The following SORCS1 variants were observed in gnomAD, a reference collection of about 807,000 sequenced individuals.
The protein encoded by SORCS1 is VPS10 domain-containing receptor SorCS1.
In SORCS1, 60 loss-of-function variants were observed where a neutral mutation model predicts 146.1. That is an observed-to-expected ratio of 0.41 (90% CI 0.33 to 0.51). SORCS1 has a LOEUF of 0.51. Ranked by LOEUF, SORCS1 falls within the 20% of genes least tolerant of loss-of-function variation. SORCS1 has a pLI of 0.21. For missense variants in SORCS1, 1,352 were observed against 1,487.6 expected, an observed-to-expected ratio of 0.91 and a Z score of 1.50; for synonymous variants, 637 against 584.0, an observed-to-expected ratio of 1.09 and a Z score of -1.31.
chr10:106,849,873 T>G (rs914006641), intron 2 of SORCS1, among the ~76,000 whole-genome samples: 13 of 152,210 alleles, frequency 8.5e-5, no homozygotes, highest in African/African-American at 2.4e-4. Context: ...CCCCTGCTGG[T>G]GGGTGCCTCC....
At chr10:106,747,506 T>TA (rs1292419247) in intron 5 of SORCS1, among the ~76,000 whole-genome samples, 1 of 152,226 alleles carries the variant, frequency 6.6e-6, no homozygotes, top group Non-Finnish European at 1.5e-5. Flanking sequence ...TCACTAGTCT[T>TA]ACAGTTGGTT....
At chr10:107,008,969 C>T (rs1393871476) in intron 1 of SORCS1, among the ~76,000 whole-genome samples, 2 of 152,208 alleles carry the variant, frequency 1.3e-5, no homozygotes, top group East Asian at 3.8e-4. Flanking sequence ...TGCACTCCAG[C>T]CTGGTGACAG....
chr10:107,017,204 T>A (rs1018246609), intron 1 of SORCS1, among the ~76,000 whole-genome samples: 4 of 152,248 alleles, frequency 2.6e-5, no homozygotes, highest in African/African-American at 7.2e-5. Context: ...CACAAATGTT[T>A]GTATCAGCAC....
chr10:106,952,542 A>ATATATTATATTATATTATAT (rs35734331), intron 2 of SORCS1, among the ~76,000 whole-genome samples: 2,660 of 143,002 alleles, frequency 0.019, 37 homozygotes, highest in South Asian at 0.03. Flanking sequence ...ATGACACATT[A>ATATATTATATTATATTATAT]TATATTATAT....
intron 3 of SORCS1, among the ~76,000 whole-genome samples, chr10:106,778,163 CA>C (rs1860605216): frequency 1.3e-5 from 2 of 152,116 alleles, no homozygotes; most frequent in Admixed American, 1.3e-4. Flanking sequence ...GCATGCCAGA[CA>C]CTCTGCCCAA....
chr10:106,673,581 C>T (rs1851778055), intron 14 of SORCS1, among the ~76,000 whole-genome samples: 1 of 152,112 alleles, frequency 6.6e-6, no homozygotes, highest in Non-Finnish European at 1.5e-5. Flanking sequence ...ACATATTGTG[C>T]CACAGGATTG....
At chr10:106,934,291 A>G (rs1454356946) in intron 2 of SORCS1, among the ~76,000 whole-genome samples, 1 of 151,542 alleles carries the variant, frequency 6.6e-6, no homozygotes, top group Non-Finnish European at 1.5e-5. Context: ...GGAGTCGCGC[A>G]CTGTCACCCA....
chr10:107,045,700 T>A (rs1372278581), intron 1 of SORCS1, among the ~76,000 whole-genome samples: 5 of 152,218 alleles, frequency 3.3e-5, no homozygotes, highest in Non-Finnish European at 7.4e-5. Context: ...AATTTTAAGT[T>A]GAGAAAAATG....
intron 3 of SORCS1, among the ~76,000 whole-genome samples, chr10:106,793,456 T>G (rs2245123): frequency 2.0e-4 from 30 of 152,040 alleles, no homozygotes; most frequent in Non-Finnish European, 5.9e-5. Context: ...AACCTATTTA[T>G]TCAGGGGCAT....
At chr10:106,751,143 A>G (rs1212050891) in intron 5 of SORCS1, among the ~76,000 whole-genome samples, 21 of 151,212 alleles carry the variant, frequency 1.4e-4, no homozygotes, top group Admixed American at 1.3e-4. Context: ...TGTGGAGATC[A>G]TTAACAATAA....
chr10:107,054,558 G>T lies in SORCS1; in HGVS notation c.559-97978C>A, dbSNP rs144649059. ...TCTGGCTGGAACTGAGGGCAAAAGG[G>T]CTAGAATTTTAACAGGGAGTCAAGG... On this transcript the variant is annotated intron_variant, in intron 1 of 25. Transcript: ENST00000263054. Among the ~76,000 whole-genome samples, 12 of 152,296 alleles carry T rather than the reference G, an allele frequency of 7.9e-5. No homozygotes were observed. The East Asian group carries it at 2.1e-3, about 27-fold the overall frequency.
intron 15 of SORCS1, among the ~76,000 whole-genome samples, chr10:106,671,601 T>C (rs1182856146): frequency 6.6e-6 from 1 of 152,228 alleles, no homozygotes; most frequent in African/African-American, 2.4e-5. Flanking sequence ...TAATTTTGTG[T>C]GCACTTATCA....
At chr10:106,695,930 T>C (rs1853668234) in intron 9 of SORCS1, among the ~76,000 whole-genome samples, 1 of 152,190 alleles carries the variant, frequency 6.6e-6, no homozygotes, top group Non-Finnish European at 1.5e-5. Context: ...GAACACAGAA[T>C]CTGTAGCCAG....
rs1380725939 is a variant in SORCS1, at chr10:106,806,505, C to CTTTCTT, written c.726+23068_726+23069insAAGAAA. On this transcript the variant is annotated intron_variant, in intron 3 of 25. Transcript: ENST00000263054. Reference sequence around the variant, plus strand: ...CAGCCCTTCTGATGAGAGAGGAAGCCTTTTTTTTTTTTTTTTTTTTTTTTT... The same window carrying CTTTCTT: ...CAGCCCTTCTGATGAGAGAGGAAGCCTTTCTTTTTTTTTTTTTTTTTTTTTTTTTTT... Among the ~76,000 whole-genome samples, 39 of 70,444 alleles carry CTTTCTT rather than the reference C, an allele frequency of 5.5e-4. 5 individuals are homozygous for CTTTCTT. Among genetic ancestry groups the CTTTCTT allele is most frequent in the Middle Eastern group, 6.5e-3 (1 of 154 alleles). The allele number at this position is 70,444 out of a possible 152,430, so 46.2% of individuals were successfully genotyped here.
intron 1 of SORCS1, among the ~76,000 whole-genome samples, chr10:106,991,704 G>A (rs1044363020): frequency 2.6e-5 from 4 of 151,822 alleles, no homozygotes; most frequent in African/African-American, 9.7e-5. Context: ...TTAACTCCCC[G>A]GTACATTACA....
chr10:106,919,075 G>A lies in SORCS1; in HGVS notation c.626+37438C>T, dbSNP rs538354041. On this transcript the variant is annotated intron_variant, in intron 2 of 25. Transcript: ENST00000263054. The stretch of plus-strand genomic sequence containing the variant: ...TGGCCTTGAAATCCTGGTCTCAAGT[G>A]ACCCACCAACCTTGGCCTCCCATAG... Among the ~76,000 whole-genome samples the A allele has an allele frequency of 2.4e-4, 37 of 152,166 alleles. 1 individual carries two copies. The highest frequency in any genetic ancestry group is 7.5e-4 in the African/African-American group (31 of 41,536).
At chr10:106,827,813 G>T (rs1487735333) in intron 3 of SORCS1, among the ~76,000 whole-genome samples, 1 of 152,076 alleles carries the variant, frequency 6.6e-6, no homozygotes, top group African/African-American at 2.4e-5. Flanking sequence ...TGGTACTGTG[G>T]CCATCAGCCA....
chr10:106,983,477 C>T (rs1956325672), intron 1 of SORCS1, among the ~76,000 whole-genome samples: 3 of 152,058 alleles, frequency 2.0e-5, no homozygotes, highest in Non-Finnish European at 4.4e-5. Flanking sequence ...AATCATTCTT[C>T]TCTTTCCACA....
intron 1 of SORCS1, among the ~76,000 whole-genome samples, chr10:107,013,421 C>G (rs1202166949): frequency 3.3e-5 from 5 of 152,134 alleles, no homozygotes. Context: ...GTAATCAGAT[C>G]TGGGTTAACC....
Sources: gnomAD v4.1 joint callset for allele counts (sites outside exome capture counted in the v4.1 genomes callset) on GRCh38, gnomAD v4.1.1 for gene constraint, MANE v1.5 for transcripts, NCBI Gene and HGNC (gene_info 2026-07-23, HGNC 2026-07-21) for gene names.